The following LGSN variants were observed in gnomAD, a reference collection of about 807,000 sequenced individuals.
The protein encoded by LGSN is lengsin.
Under a neutral mutation model 19.5 loss-of-function variants are expected in LGSN, and 21 were observed. The observed-to-expected ratio is 1.07, with a 90% CI of 0.76 to 1.55. The LOEUF is 1.55. LGSN is among the 40% of genes most tolerant of loss of function. The pLI is 0.00. For synonymous variants in LGSN, 257 were observed against 215.6 expected (o/e 1.19, Z -1.68); for missense variants, 673 against 608.5 (o/e 1.11, Z -1.12).
chr6:63,494,863 T>C, the LGSN span, among the ~76,000 whole-genome samples: 3 of 152,242 alleles, frequency 2.0e-5, no homozygotes, highest in Non-Finnish European at 2.9e-5. Flanking sequence ...TCCACTAAAT[T>C]AGATAATATC....
the LGSN span, among the ~76,000 whole-genome samples, chr6:63,422,929 TG>T: frequency 1.3e-5 from 2 of 152,166 alleles, no homozygotes; most frequent in Non-Finnish European, 2.9e-5. Flanking sequence ...ATTGGCATAG[TG>T]GATTAAGAAA....
chr6:63,549,556 A>G, the LGSN span: 5 of 613,110 alleles, frequency 8.2e-6, no homozygotes, highest in Middle Eastern at 4.3e-4. Flanking sequence ...AAATGTTGAC[A>G]AGATTTGAAG....
the LGSN span, among the ~76,000 whole-genome samples, chr6:63,442,630 A>G: frequency 6.6e-6 from 1 of 152,152 alleles, no homozygotes; most frequent in African/African-American, 2.4e-5. Context: ...TGGTACGTTT[A>G]CAAACCTTGA....
the LGSN span, among the ~76,000 whole-genome samples, chr6:63,477,603 C>T: frequency 6.8e-5 from 10 of 146,676 alleles, no homozygotes; most frequent in East Asian, 2.0e-4. Flanking sequence ...AAATGTTTTT[C>T]GTCACATAAA....
At chr6:63,482,634 G>A in the LGSN span, among the ~76,000 whole-genome samples, 14 of 152,084 alleles carry the variant, frequency 9.2e-5, no homozygotes, top group Non-Finnish European at 1.5e-4. Context: ...GAGAAGGCAC[G>A]AGAATTGCTT....
chr6:63,545,736 C>G, the LGSN span, among the ~76,000 whole-genome samples: 1 of 152,018 alleles, frequency 6.6e-6, no homozygotes, highest in Non-Finnish European at 1.5e-5. Context: ...ATTTAGGAAC[C>G]AAAATCTGAA....
At chr6:63,470,297 G>A in the LGSN span, among the ~76,000 whole-genome samples, 3 of 151,400 alleles carry the variant, frequency 2.0e-5, no homozygotes, top group Non-Finnish European at 2.9e-5. Context: ...GCAAAACCCC[G>A]TCTCTACTAA....
the LGSN span, among the ~76,000 whole-genome samples, chr6:63,506,466 T>C: frequency 6.6e-6 from 1 of 152,144 alleles, no homozygotes; most frequent in South Asian, 2.1e-4. Flanking sequence ...GGTTTCACTG[T>C]GTTGGCCAGG....
chr6:63,562,627 T>A, the LGSN span, among the ~76,000 whole-genome samples: 1 of 152,236 alleles, frequency 6.6e-6, no homozygotes, highest in Non-Finnish European at 1.5e-5. Context: ...AACAAAACAG[T>A]GCAAATATGT....
chr6:63,412,756 AAAGAAAGAAAGAAAGGAAG>A, the LGSN span, among the ~76,000 whole-genome samples: 2,515 of 78,566 alleles, frequency 0.032, 83 homozygotes, highest in Non-Finnish European at 0.038. Flanking sequence ...AGAAAGAAAG[AAAGAAAGAAAGAAAGGAAG>A]GAAGGGAAGG....
At chr6:63,478,501 A>C in the LGSN span, among the ~76,000 whole-genome samples, 1 of 152,154 alleles carries the variant, frequency 6.6e-6, no homozygotes, top group Admixed American at 6.6e-5. Flanking sequence ...AAAAAAATCT[A>C]AATTTCCATC....
In LGSN at chr6:63,319,948, A is replaced by G; in HGVS notation, c.-5T>C. ...AAGGTCCTCTTCATTATTCATCTCAACACTTTTTAAGTTCAGCGTTAGAAA... is the reference window on the plus strand; with the variant it reads ...AAGGTCCTCTTCATTATTCATCTCAGCACTTTTTAAGTTCAGCGTTAGAAA... On this transcript the variant is annotated 5_prime_UTR_variant, in exon 1 of 4. Transcript: ENST00000370657. 6.2e-7 allele frequency: 1 copy of G among 1,608,174 alleles called. No individual in the cohort carries two copies. Among genetic ancestry groups the G allele is most frequent in the African/African-American group, 1.3e-5 (1 of 74,924 alleles).
chr6:63,420,755 G>A, the LGSN span, among the ~76,000 whole-genome samples: 3 of 151,994 alleles, frequency 2.0e-5, no homozygotes, highest in Non-Finnish European at 4.4e-5. Flanking sequence ...ATCATACCAA[G>A]AACCAGGAAG....
chr6:63,523,654 T>C, the LGSN span, among the ~76,000 whole-genome samples: 1 of 152,218 alleles, frequency 6.6e-6, no homozygotes, highest in Non-Finnish European at 1.5e-5. Flanking sequence ...AGCTTATCCA[T>C]GCATGTGGCC....
At chr6:63,454,847 T>A in the LGSN span, among the ~76,000 whole-genome samples, 3 of 124,530 alleles carry the variant, frequency 2.4e-5, no homozygotes, top group African/African-American at 3.1e-5. Context: ...CAGGCTGGAG[T>A]GTAATGGCAA....
chr6:63,523,014 G>T, the LGSN span, among the ~76,000 whole-genome samples: 2 of 151,910 alleles, frequency 1.3e-5, no homozygotes, highest in Non-Finnish European at 2.9e-5. Context: ...ACAGGCATGT[G>T]CCACCACGCT....
chr6:63,455,465 C>G, the LGSN span, among the ~76,000 whole-genome samples: 1 of 152,070 alleles, frequency 6.6e-6, no homozygotes, highest in Non-Finnish European at 1.5e-5. Context: ...TTTAAAAACT[C>G]ATTTGTGAGT....
intron 3 of LGSN, among the ~76,000 whole-genome samples, chr6:63,283,005 A>C (rs992028183): frequency 4.6e-5 from 7 of 152,136 alleles, no homozygotes; most frequent in Non-Finnish European, 1.0e-4. Context: ...TACAATTTAA[A>C]TCTGTGTTTG....
At chr6:63,488,975 A>G in the LGSN span, among the ~76,000 whole-genome samples, 347 of 152,324 alleles carry the variant, frequency 2.3e-3, 1 homozygote, top group African/African-American at 7.9e-3. Flanking sequence ...TTGAAAATGA[A>G]TTCTGTCCTC....
Sources: gnomAD v4.1 joint callset for allele counts (sites outside exome capture counted in the v4.1 genomes callset) on GRCh38, gnomAD v4.1.1 for gene constraint, MANE v1.5 for transcripts, NCBI Gene and HGNC (gene_info 2026-07-23, HGNC 2026-07-21) for gene names.